ESRRG: variants seen among roughly 807,000 people sequenced by gnomAD.
ESRRG encodes the protein estrogen-related receptor gamma.
ESRRG carries 13 observed loss-of-function variants against 44.0 expected under a neutral mutation model. The observed-to-expected ratio is 0.30, with a 90% confidence interval of 0.19 to 0.47. The LOEUF (loss-of-function observed/expected upper bound fraction) is 0.47. Ranked by LOEUF, ESRRG falls within the 20% of genes least tolerant of loss-of-function variation. The pLI is 1.00. For missense variants in ESRRG, 395 were observed against 580.6 expected, an observed-to-expected ratio of 0.68 and a Z score of 3.29; for synonymous variants, 215 against 214.6, an observed-to-expected ratio of 1.00 and a Z score of -0.02.
chr1:216,826,198 A>C (rs1459669762), intron 2 of ESRRG, among the ~76,000 whole-genome samples: 5 of 151,788 alleles, frequency 3.3e-5, no homozygotes, highest in African/African-American at 1.2e-4. Context: ...CAAAAAAAAA[A>C]AAAAACACAC....
intron 2 of ESRRG, among the ~76,000 whole-genome samples, chr1:216,674,394 T>C (rs1013381209): frequency 3.3e-5 from 5 of 152,168 alleles, no homozygotes; most frequent in African/African-American, 1.2e-4. Context: ...ATCCAGTAAA[T>C]GAAAGATTTT....
chr1:216,966,300 A>G (rs2070364375), intron 1 of ESRRG, among the ~76,000 whole-genome samples: 2 of 152,192 alleles, frequency 1.3e-5, no homozygotes, highest in African/African-American at 4.8e-5. Flanking sequence ...ATTTGTATCC[A>G]TTCATTCTGC....
At chr1:217,122,998 C>T (rs2092841411) in intron 1 of ESRRG, among the ~76,000 whole-genome samples, 1 of 152,042 alleles carries the variant, frequency 6.6e-6, no homozygotes, top group South Asian at 2.1e-4. Flanking sequence ...AGCCAGCACA[C>T]ACACTTCTTA....
intron 1 of ESRRG, among the ~76,000 whole-genome samples, chr1:217,061,596 A>G (rs901203133): frequency 6.6e-6 from 1 of 152,122 alleles, no homozygotes. Context: ...CCCCAAAGGA[A>G]TGTCCAGGGC....
At chr1:217,048,246 G>T (rs2085247764) in intron 1 of ESRRG, among the ~76,000 whole-genome samples, 2 of 152,136 alleles carry the variant, frequency 1.3e-5, no homozygotes, top group South Asian at 2.1e-4. Flanking sequence ...TGACGGTACT[G>T]GTTAGAGAGG....
intron 1 of ESRRG, among the ~76,000 whole-genome samples, chr1:216,706,474 C>G (rs1168777650): frequency 6.6e-6 from 1 of 152,038 alleles, no homozygotes; most frequent in Non-Finnish European, 1.5e-5. Context: ...AGTTCTTTGT[C>G]TGATATTTCT....
At chr1:216,733,489 A>G (rs780899140) in intron 2 of ESRRG, among the ~76,000 whole-genome samples, 48 of 152,224 alleles carry the variant, frequency 3.2e-4, no homozygotes, top group Middle Eastern at 6.8e-3. Flanking sequence ...CAATTATTCA[A>G]TCCTAATCAA....
At chr1:216,532,931 A>G (rs1292185811) in intron 5 of ESRRG, among the ~76,000 whole-genome samples, 1 of 152,166 alleles carries the variant, frequency 6.6e-6, no homozygotes, top group Non-Finnish European at 1.5e-5. Flanking sequence ...TAAATTGACA[A>G]TACCATTGAT....
chr1:216,860,318 C>T (rs1409199753), intron 2 of ESRRG, among the ~76,000 whole-genome samples: 1 of 151,922 alleles, frequency 6.6e-6, no homozygotes, highest in Non-Finnish European at 1.5e-5. Context: ...CAGACAAAGA[C>T]ATTAAAACAA....
chr1:217,091,647 T>C (rs1235183332), upstream of ESRRG, among the ~76,000 whole-genome samples: 2 of 152,200 alleles, frequency 1.3e-5, no homozygotes, highest in Non-Finnish European at 2.9e-5. Flanking sequence ...ATAGCTTCTC[T>C]GGCTCACTTT....
intron 2 of ESRRG, among the ~76,000 whole-genome samples, chr1:216,737,995 CTT>C (rs144453643): frequency 0.35 from 41,706 of 118,838 alleles, 7,067 homozygotes; most frequent in Admixed American, 0.5. Flanking sequence ...TGAGACATCA[CTT>C]TTTTTTTTTT....
intron 1 of ESRRG, among the ~76,000 whole-genome samples, chr1:216,720,883 C>A (rs2086115642): frequency 6.6e-6 from 1 of 152,118 alleles, no homozygotes. Flanking sequence ...GTTTCAGTTG[C>A]CTTTCCTTCT....
At chr1:217,067,345 T>A (rs1031549405) in intron 1 of ESRRG, among the ~76,000 whole-genome samples, 3 of 152,250 alleles carry the variant, frequency 2.0e-5, no homozygotes, top group Admixed American at 2.0e-4. Flanking sequence ...TCAACTCGAA[T>A]GTACAAACAA....
At chr1:216,842,128 A>G (rs1315849237) in intron 2 of ESRRG, among the ~76,000 whole-genome samples, 1 of 152,188 alleles carries the variant, frequency 6.6e-6, no homozygotes, top group Non-Finnish European at 1.5e-5. Context: ...AAAACATCCA[A>G]CAACCAAAGA....
intron 6 of ESRRG, among the ~76,000 whole-genome samples, chr1:216,509,065 C>T (rs1235421048): frequency 1.3e-5 from 2 of 152,200 alleles, no homozygotes; most frequent in Non-Finnish European, 2.9e-5. Context: ...ATTTATTAAG[C>T]ACCTATTTCA....
chr1:216,991,857 C>T (rs2150526875), intron 1 of ESRRG, among the ~76,000 whole-genome samples: 1 of 152,286 alleles, frequency 6.6e-6, no homozygotes, highest in Non-Finnish European at 1.5e-5. Flanking sequence ...AAAGAAATTT[C>T]CAGGCGTGTT....
At chr1:216,651,444 A>G (rs1255983761) in intron 2 of ESRRG, among the ~76,000 whole-genome samples, 1 of 152,156 alleles carries the variant, frequency 6.6e-6, no homozygotes. Flanking sequence ...TCAAAACCAG[A>G]TTCTTGGATT....
chr1:216,601,094 G>C (rs1316667260), intron 3 of ESRRG, among the ~76,000 whole-genome samples: 1 of 152,168 alleles, frequency 6.6e-6, no homozygotes, highest in Non-Finnish European at 1.5e-5. Flanking sequence ...GGCGGCAGCA[G>C]CGGGTTGGGG....
intron 2 of ESRRG, among the ~76,000 whole-genome samples, chr1:216,671,544 A>T (rs774025909): frequency 1.3e-5 from 2 of 152,178 alleles, no homozygotes; most frequent in Non-Finnish European, 2.9e-5. Flanking sequence ...TTTAGTGTAC[A>T]TTTACTATGG....
Sources: allele counts gnomAD v4.1 joint callset (sites outside exome capture counted in the v4.1 genomes callset), GRCh38; gene constraint gnomAD v4.1.1; transcripts MANE v1.5; gene names NCBI Gene and HGNC (gene_info 2026-07-23, HGNC 2026-07-21).